The following PCCA variants were observed in gnomAD, a reference collection of about 807,000 sequenced individuals.
The protein encoded by PCCA is propionyl-CoA carboxylase alpha chain, mitochondrial.
A neutral mutation model predicts 101.3 loss-of-function variants in PCCA; 74 were observed. The ratio of observed to expected loss-of-function variants is 0.73; its 90% CI spans 0.61 to 0.89. The LOEUF is 0.89. PCCA is among the 40% of genes least tolerant of loss of function. PCCA has a pLI of 0.00. For missense variants in PCCA, 891 were observed against 907.0 expected (o/e 0.98, Z 0.23); for synonymous variants, 294 against 313.6 (o/e 0.94, Z 0.66).
intron 10 of PCCA, among the ~76,000 whole-genome samples, chr13:100,264,062 CGGTATCTGTATATCGTATAT>C: frequency 7.3e-6 from 1 of 136,796 alleles, no homozygotes; most frequent in Admixed American, 7.4e-5. Flanking sequence ...CGTATATATA[CGGTATCTGTATATCGTATAT>C]ATACGGTATC....
intron 22 of PCCA, among the ~76,000 whole-genome samples, chr13:100,522,023 C>T (rs1344123396): frequency 1.3e-5 from 2 of 152,202 alleles, no homozygotes; most frequent in Non-Finnish European, 2.9e-5. Flanking sequence ...TTCAGCTGCA[C>T]GCAGTGATTT....
chr13:100,287,061 A>G (rs1356403123), intron 12 of PCCA, among the ~76,000 whole-genome samples: 2 of 152,110 alleles, frequency 1.3e-5, no homozygotes, highest in Admixed American at 6.6e-5. Context: ...TTATTTTCCA[A>G]TGGCTACCTG....
At chr13:100,388,305 CA>C (rs1265710698) in intron 19 of PCCA, among the ~76,000 whole-genome samples, 3 of 150,044 alleles carry the variant, frequency 2.0e-5, no homozygotes, top group South Asian at 4.2e-4. Context: ...CCTGTCTCTA[CA>C]AAAAAAAATT....
At chr13:100,185,355 C>CT (rs1284980384) in intron 6 of PCCA, among the ~76,000 whole-genome samples, 2 of 151,704 alleles carry the variant, frequency 1.3e-5, no homozygotes, top group African/African-American at 4.8e-5. Flanking sequence ...CTAATATTTT[C>CT]TTTTTTTCTT....
intron 19 of PCCA, among the ~76,000 whole-genome samples, chr13:100,388,399 G>C (rs1481608514): frequency 3.9e-5 from 6 of 152,212 alleles, no homozygotes; most frequent in Admixed American, 3.3e-4. Flanking sequence ...GGGAGGTCAA[G>C]GCTGCAGTGA....
intron 21 of PCCA, among the ~76,000 whole-genome samples, chr13:100,454,212 T>C (rs992685933): frequency 6.6e-6 from 1 of 152,166 alleles, no homozygotes; most frequent in African/African-American, 2.4e-5. Context: ...CACTTTCCTC[T>C]GCCCCTAATA....
chr13:100,494,911 C>G (rs1425975129), intron 21 of PCCA, among the ~76,000 whole-genome samples: 4 of 152,128 alleles, frequency 2.6e-5, no homozygotes, highest in Non-Finnish European at 2.9e-5. Context: ...TCAAATCCTC[C>G]CTGCTCCCAA....
At chr13:100,215,618 CTTTAT>C (rs1350160896) in intron 7 of PCCA, among the ~76,000 whole-genome samples, 3 of 151,850 alleles carry the variant, frequency 2.0e-5, no homozygotes, top group African/African-American at 4.8e-5. Flanking sequence ...CTTCTGTATA[CTTTAT>C]TTTATTTTTT....
rs558763488 is a variant in PCCA, at chr13:100,503,447, G to A, written c.1900-11980G>A. Among the ~76,000 whole-genome samples, 243 of 152,232 alleles carry A rather than the reference G, an allele frequency of 1.6e-3. 1 individual carries two copies. Among genetic ancestry groups the A allele is most frequent in the Admixed American group, 3.7e-3 (57 of 15,292 alleles). On this transcript the variant is annotated intron_variant, in intron 21 of 23. Coordinates refer to ENST00000376285, the MANE Select transcript of PCCA (RefSeq NM_000282.4). ...GGAGGTTGTGGTGAGCCGAGGTTGC[G>A]CCATTGCACTCCAGCCTGGGCAACA...
Position 100,190,189 on chromosome 13 carries a change from A to G in PCCA, c.469-19143A>G, listed in dbSNP as rs543894155. Among the ~76,000 whole-genome samples the G allele has an allele frequency of 7.0e-4, 106 of 152,340 alleles. 1 individual carries two copies. The highest frequency in any genetic ancestry group is 2.3e-3 in the African/African-American group (97 of 41,574). On this transcript the variant is annotated intron_variant, in intron 6 of 23. Coordinates refer to ENST00000376285, the MANE Select transcript of PCCA (RefSeq NM_000282.4). The stretch of plus-strand genomic sequence containing the variant: ...GGACCTTATGAAATGTTATCTGAAG[A>G]TCACGCACGTAATCTTTGATGGCTG...
chr13:100,384,916 T>TA (rs2076417187), intron 19 of PCCA, among the ~76,000 whole-genome samples: 1 of 152,116 alleles, frequency 6.6e-6, no homozygotes, highest in Non-Finnish European at 1.5e-5. Context: ...AAAACTGACT[T>TA]ACAGTACATG....
At chr13:100,453,206 T>C (rs533884372) in intron 21 of PCCA, among the ~76,000 whole-genome samples, 4 of 149,720 alleles carry the variant, frequency 2.7e-5, no homozygotes, top group East Asian at 4.0e-4. Context: ...AAAGCAAATA[T>C]GAAAACAAAT....
At chr13:100,117,056 C>G (rs1055132940) in intron 4 of PCCA, among the ~76,000 whole-genome samples, 2 of 152,104 alleles carry the variant, frequency 1.3e-5, no homozygotes, top group African/African-American at 4.8e-5. Flanking sequence ...ATATTTTACT[C>G]CCTCCAGAAA....
At chr13:100,496,542 G>A (rs533951240) in intron 21 of PCCA, among the ~76,000 whole-genome samples, 16 of 152,094 alleles carry the variant, frequency 1.1e-4, no homozygotes, top group Admixed American at 5.9e-4. Context: ...CTCGGGAGGC[G>A]CATGTTCACG....
At chr13:100,369,722 T>TGATG (rs1424268064) in intron 19 of PCCA, among the ~76,000 whole-genome samples, 3 of 152,220 alleles carry the variant, frequency 2.0e-5, no homozygotes, top group African/African-American at 7.2e-5. Context: ...ATGAAAGCTA[T>TGATG]GATGGAGTTA....
intron 5 of PCCA, 71 bp from the exon 6 acceptor site, chr13:100,157,216 A>C: frequency 1.0e-6 from 1 of 984,340 alleles, no homozygotes; most frequent in Non-Finnish European, 1.6e-6. Context: ...ACATAAATGC[A>C]CTGTACATTT....
intron 4 of PCCA, among the ~76,000 whole-genome samples, chr13:100,114,229 T>C (rs771951191): frequency 6.6e-6 from 1 of 151,992 alleles, no homozygotes; most frequent in African/African-American, 2.4e-5. Flanking sequence ...GTAACTAGAA[T>C]GTATAAGGAG....
intron 6 of PCCA, among the ~76,000 whole-genome samples, chr13:100,178,118 T>G (rs2152425289): frequency 6.6e-6 from 1 of 152,354 alleles, no homozygotes; most frequent in African/African-American, 2.4e-5. Flanking sequence ...AAATATTTTA[T>G]GTAGTCGTGT....
At chr13:100,185,355 C>A (rs1470395709) in intron 6 of PCCA, among the ~76,000 whole-genome samples, 2 of 151,704 alleles carry the variant, frequency 1.3e-5, no homozygotes, top group East Asian at 3.9e-4. Context: ...CTAATATTTT[C>A]TTTTTTTCTT....
Sources: gnomAD v4.1 joint callset for allele counts (sites outside exome capture counted in the v4.1 genomes callset) on GRCh38, gnomAD v4.1.1 for gene constraint, MANE v1.5 for transcripts, NCBI Gene and HGNC (gene_info 2026-07-23, HGNC 2026-07-21) for gene names.